ZFAND3: variants seen among roughly 807,000 people sequenced by gnomAD.
ZFAND3 encodes the protein AN1-type zinc finger protein 3.
ZFAND3 carries 10 observed loss-of-function variants against 29.6 expected under a neutral mutation model. That is an observed-to-expected ratio of 0.34 (90% CI 0.21 to 0.57). The LOEUF (loss-of-function observed/expected upper bound fraction) is 0.57, where lower values mean the gene tolerates loss of function less well. Among genes scored for constraint, ZFAND3 ranks in the 20% least tolerant of loss-of-function variants. The probability of loss-of-function intolerance (pLI) is 0.86; values close to 1 mark genes in which losing one functional copy is unlikely to be tolerated. For synonymous variants in ZFAND3, 128 were observed against 112.6 expected (o/e 1.14, Z -0.87); for missense variants, 230 against 304.5 (o/e 0.76, Z 1.82).
intron 5 of ZFAND3, among the ~76,000 whole-genome samples, chr6:38,150,232 A>C (rs776129868): frequency 2.6e-5 from 4 of 152,192 alleles, no homozygotes; most frequent in Non-Finnish European, 5.9e-5. Context: ...TTGCTTTTGG[A>C]CCAAGTGGGA....
intron 5 of ZFAND3, among the ~76,000 whole-genome samples, chr6:38,151,530 C>T (rs925341562): frequency 6.6e-6 from 1 of 151,412 alleles, no homozygotes; most frequent in African/African-American, 2.4e-5. Context: ...ATCTCAACCT[C>T]TCTCACCTAC....
intron 1 of ZFAND3, among the ~76,000 whole-genome samples, chr6:37,855,463 T>C (rs1203123172): frequency 6.6e-6 from 1 of 152,100 alleles, no homozygotes; most frequent in Non-Finnish European, 1.5e-5. Flanking sequence ...CAATTGAAAT[T>C]TGTGTCCATA....
chr6:37,836,233 T>C (rs538887245), intron 1 of ZFAND3, among the ~76,000 whole-genome samples: 4 of 152,358 alleles, frequency 2.6e-5, no homozygotes, highest in Admixed American at 6.5e-5. Flanking sequence ...AGCCCCAGTT[T>C]AGTGGGTCCA....
intron 2 of ZFAND3, among the ~76,000 whole-genome samples, chr6:37,965,915 A>G (rs1762283889): frequency 6.6e-6 from 1 of 152,046 alleles, no homozygotes. Flanking sequence ...GGCATGTGCT[A>G]CCATGCCTGG....
chr6:37,837,686 T>G (rs559315575), intron 1 of ZFAND3, among the ~76,000 whole-genome samples: 1 of 152,076 alleles, frequency 6.6e-6, no homozygotes, highest in South Asian at 2.1e-4. Context: ...TTTGTATTTT[T>G]AATAGAGACA....
intron 4 of ZFAND3, among the ~76,000 whole-genome samples, chr6:38,102,147 ATCTTCT>A (rs1050694751): frequency 6.8e-6 from 1 of 147,978 alleles, no homozygotes; most frequent in African/African-American, 2.5e-5. Flanking sequence ...CTCCTCCTTC[ATCTTCT>A]TCTTCTTCAT....
intron 1 of ZFAND3, among the ~76,000 whole-genome samples, chr6:37,881,257 TG>T (rs1443145308): frequency 1.3e-5 from 2 of 152,118 alleles, no homozygotes; most frequent in East Asian, 3.9e-4. Flanking sequence ...TTAATCTTTT[TG>T]TATTTTTAGT....
At chr6:38,019,926 G>T (rs938662196) in intron 2 of ZFAND3, among the ~76,000 whole-genome samples, 2 of 152,046 alleles carry the variant, frequency 1.3e-5, no homozygotes, top group African/African-American at 4.8e-5. Context: ...CAGTATGGTG[G>T]CCAGGCTGGT....
At chr6:37,926,823 C>T (rs948112859) in intron 1 of ZFAND3, among the ~76,000 whole-genome samples, 1 of 152,082 alleles carries the variant, frequency 6.6e-6, no homozygotes, top group African/African-American at 2.4e-5. Context: ...GATTACACTG[C>T]TTTTTGTTAG....
chr6:38,043,507 C>T (rs1030271579), intron 2 of ZFAND3, among the ~76,000 whole-genome samples: 8 of 148,606 alleles, frequency 5.4e-5, no homozygotes, highest in African/African-American at 2.0e-4. Context: ...TTCCTCCCTT[C>T]CTCCCTCCCT....
intron 2 of ZFAND3, among the ~76,000 whole-genome samples, chr6:38,015,119 G>A (rs1368737582): frequency 6.6e-6 from 1 of 152,082 alleles, no homozygotes; most frequent in East Asian, 1.9e-4. Flanking sequence ...TTTAACATGG[G>A]ATATTTACCT....
intron 1 of ZFAND3, among the ~76,000 whole-genome samples, chr6:37,897,443 C>T (rs776448667): frequency 4.6e-5 from 7 of 152,122 alleles, no homozygotes; most frequent in Non-Finnish European, 8.8e-5. Context: ...GCTTATCTTC[C>T]GTCTTTGTTA....
At chr6:38,052,183 A>C (rs1216240219) in intron 2 of ZFAND3, among the ~76,000 whole-genome samples, 1 of 152,196 alleles carries the variant, frequency 6.6e-6, no homozygotes, top group Non-Finnish European at 1.5e-5. Context: ...GAGCCAATCT[A>C]ATGTTACCTG....
intron 1 of ZFAND3, among the ~76,000 whole-genome samples, chr6:37,858,202 G>A (rs1764419382): frequency 6.6e-6 from 1 of 152,132 alleles, no homozygotes; most frequent in Non-Finnish European, 1.5e-5. Flanking sequence ...CCTTTGCTGG[G>A]ACACCAATAG....
At chr6:38,088,287 C>T (rs900403522) in intron 4 of ZFAND3, 1 of 152,090 alleles carries the variant, frequency 6.6e-6, no homozygotes, top group African/African-American at 2.4e-5. Flanking sequence ...ATAAGCCAGG[C>T]ACAGAAAGAC....
At chr6:37,881,710 T>C (rs1193259978) in intron 1 of ZFAND3, among the ~76,000 whole-genome samples, 1 of 152,176 alleles carries the variant, frequency 6.6e-6, no homozygotes. Flanking sequence ...TTTTTAGTCT[T>C]TGGGACCTTC....
intron 3 of ZFAND3, among the ~76,000 whole-genome samples, chr6:38,065,098 C>G (rs1164124365): frequency 2.0e-5 from 3 of 152,120 alleles, no homozygotes; most frequent in Non-Finnish European, 4.4e-5. Context: ...GCGAGCAGAT[C>G]ACAAGGTGAA....
intron 2 of ZFAND3, among the ~76,000 whole-genome samples, chr6:37,952,656 G>A (rs1184284455): frequency 6.6e-6 from 1 of 152,064 alleles, no homozygotes; most frequent in Non-Finnish European, 1.5e-5. Context: ...TCAAATGTCT[G>A]TGGGGGTCCT....
At chr6:38,105,051 G>C (rs1885324) in intron 4 of ZFAND3, among the ~76,000 whole-genome samples, 28,049 of 152,216 alleles carry the variant, frequency 0.18, 2,684 homozygotes, top group East Asian at 0.3. Flanking sequence ...GTTTCCTCAT[G>C]TGTGAAATGC....
Sources: allele counts gnomAD v4.1 joint callset (sites outside exome capture counted in the v4.1 genomes callset), GRCh38; gene constraint gnomAD v4.1.1; transcripts MANE v1.5; gene names NCBI Gene and HGNC (gene_info 2026-07-23, HGNC 2026-07-21).